PRDM16: variants seen among roughly 807,000 people sequenced by gnomAD.
PRDM16 encodes histone-lysine N-methyltransferase PRDM16.
Under a neutral mutation model 110.6 loss-of-function variants are expected in PRDM16, and 23 were observed. That is an observed-to-expected ratio of 0.21 (90% CI 0.15 to 0.29). The LOEUF is 0.29. PRDM16 is among the 10% of genes least tolerant of loss of function. The pLI is 1.00. For synonymous variants in PRDM16, 799 were observed against 781.8 expected (o/e 1.02, Z -0.37); for missense variants, 1,615 against 1,794.3 (o/e 0.90, Z 1.81).
At chr1:3,075,525 G>C (rs1367340747) in intron 1 of PRDM16, among the ~76,000 whole-genome samples, 3 of 152,216 alleles carry the variant, frequency 2.0e-5, no homozygotes, top group African/African-American at 7.2e-5. Context: ...AATCATTATT[G>C]CATTAGCTGT....
At chr1:3,312,663 C>T (rs561459025) in intron 3 of PRDM16, among the ~76,000 whole-genome samples, 2 of 152,380 alleles carry the variant, frequency 1.3e-5, no homozygotes, top group South Asian at 4.1e-4. Context: ...CCGGCCTCGG[C>T]CAAGCTGCAG....
At chr1:3,287,364 CCCCGCCACGCGGGCA>C (rs1640875052) in intron 3 of PRDM16, among the ~76,000 whole-genome samples, 1 of 101,480 alleles carries the variant, frequency 9.9e-6, no homozygotes, top group African/African-American at 4.0e-5. Context: ...GCTGGAGCCG[CCCCGCCACGCGGGCA>C]TCCAGGATTG....
intron 1 of PRDM16, among the ~76,000 whole-genome samples, chr1:3,095,075 G>C (rs1440651163): frequency 1.3e-5 from 2 of 152,234 alleles, no homozygotes; most frequent in African/African-American, 4.8e-5. Context: ...GGCTTGTCCT[G>C]ACGGGGCACT....
intron 14 of PRDM16, among the ~76,000 whole-genome samples, chr1:3,426,662 A>G (rs1380340044): frequency 6.6e-6 from 1 of 152,192 alleles, no homozygotes; most frequent in Non-Finnish European, 1.5e-5. Context: ...ACATGCACAC[A>G]TAGGTATGCC....
chr1:3,220,756 G>A (rs763681937), intron 2 of PRDM16, among the ~76,000 whole-genome samples: 18 of 152,210 alleles, frequency 1.2e-4, no homozygotes, highest in Non-Finnish European at 2.2e-4. Flanking sequence ...AAACAGGGAG[G>A]CAGCCCAGGG....
chr1:3,362,777 G>A (rs1416724244), intron 3 of PRDM16, among the ~76,000 whole-genome samples: 4 of 152,172 alleles, frequency 2.6e-5, no homozygotes, highest in Admixed American at 6.5e-5. Flanking sequence ...AATCCCCCCC[G>A]TGGGACGGTC....
intron 1 of PRDM16, among the ~76,000 whole-genome samples, chr1:3,105,514 T>C (rs538787112): frequency 2.6e-5 from 4 of 152,168 alleles, no homozygotes; most frequent in Non-Finnish European, 5.9e-5. Context: ...CGGTCACCGG[T>C]CTGGACCCCA....
intron 1 of PRDM16, among the ~76,000 whole-genome samples, chr1:3,158,612 A>G (rs1015647598): frequency 6.6e-6 from 1 of 151,832 alleles, no homozygotes; most frequent in Non-Finnish European, 1.5e-5. Context: ...TTATGGGGGG[A>G]AAAGAGGAGA....
At chr1:3,137,272 G>A (rs146503171) in intron 1 of PRDM16, among the ~76,000 whole-genome samples, 10 of 152,344 alleles carry the variant, frequency 6.6e-5, no homozygotes, top group South Asian at 2.1e-4. Context: ...TGACCTGGCC[G>A]CCACCGGCCC....
chr1:3,110,267 T>C (rs12724295), intron 1 of PRDM16, among the ~76,000 whole-genome samples: 99 of 75,340 alleles, frequency 1.3e-3, no homozygotes, highest in Admixed American at 2.0e-3. Context: ...GTGGCTCCCC[T>C]ATGTCCTGGG....
chr1:3,333,366 AGGCTGAGCAGGGCCAGTGCTTTGGCCT>A (rs1642081656), intron 3 of PRDM16, among the ~76,000 whole-genome samples: 1 of 152,098 alleles, frequency 6.6e-6, no homozygotes, highest in South Asian at 2.1e-4. Flanking sequence ...CACAACGGGG[AGGCTGAGCAGGGCCAGTGCTTTGGCCT>A]GGCTGCAGGA....
chr1:3,274,251 A>G (rs1640532240), intron 3 of PRDM16, among the ~76,000 whole-genome samples: 1 of 152,194 alleles, frequency 6.6e-6, no homozygotes, highest in Non-Finnish European at 1.5e-5. Context: ...TACCTAAATG[A>G]ATTAGCAATA....
At chr1:3,360,885 A>C (rs1161900449) in intron 3 of PRDM16, among the ~76,000 whole-genome samples, 1 of 152,194 alleles carries the variant, frequency 6.6e-6, no homozygotes, top group Non-Finnish European at 1.5e-5. Context: ...CCCAAGTGGA[A>C]CATCCCTGGA....
At chr1:3,202,587 AGGATGGTGTGTGCCGTCTAAAGGTGAG>A (rs1445270603) in intron 2 of PRDM16, among the ~76,000 whole-genome samples, 15 of 152,324 alleles carry the variant, frequency 9.8e-5, no homozygotes, top group Admixed American at 6.5e-4. Flanking sequence ...CTGCAGGTGA[AGGATGGTGTGTGCCGTCTAAAGGTGAG>A]GGATGGTGTG....
chr1:3,369,295 C>T (rs1303406235), intron 3 of PRDM16, among the ~76,000 whole-genome samples: 1 of 152,162 alleles, frequency 6.6e-6, no homozygotes, highest in Non-Finnish European at 1.5e-5. Flanking sequence ...ATCGTGCCCA[C>T]GGTTTGGGAA....
At chr1:3,124,241 G>A (rs753774679) in intron 1 of PRDM16, among the ~76,000 whole-genome samples, 14 of 152,170 alleles carry the variant, frequency 9.2e-5, no homozygotes, top group South Asian at 4.1e-4. Context: ...GCTGGAGGCC[G>A]GCAGTGGGGA....
intron 1 of PRDM16, among the ~76,000 whole-genome samples, chr1:3,181,552 G>GGTCTTACACA (rs755533699): frequency 1.1e-4 from 3 of 27,466 alleles, no homozygotes; most frequent in South Asian, 3.7e-3. Context: ...TCTTACACAC[G>GGTCTTACACA]CAGTCTTACA....
At chr1:3,323,405 C>T (rs374009703) in intron 3 of PRDM16, among the ~76,000 whole-genome samples, 2 of 152,234 alleles carry the variant, frequency 1.3e-5, no homozygotes, top group East Asian at 3.9e-4. Flanking sequence ...CCGCCAGAAG[C>T]GATGAGCGGA....
intron 3 of PRDM16, among the ~76,000 whole-genome samples, chr1:3,378,522 G>T (rs145990836): frequency 6.6e-6 from 1 of 152,272 alleles, no homozygotes; most frequent in South Asian, 2.1e-4. Flanking sequence ...GGCAGCCTGG[G>T]CTGGGAGCTG....
Sources: gnomAD v4.1 joint callset for allele counts (sites outside exome capture counted in the v4.1 genomes callset) on GRCh38, gnomAD v4.1.1 for gene constraint, MANE v1.5 for transcripts, NCBI Gene and HGNC (gene_info 2026-07-23, HGNC 2026-07-21) for gene names.